The following SYTL3 variants were observed in gnomAD, a reference collection of about 807,000 sequenced individuals.
SYTL3 encodes the protein synaptotagmin like 3, also known as synaptotagmin-like protein 3.
In SYTL3, 88 loss-of-function variants were observed where a neutral mutation model predicts 82.1. The ratio of observed to expected loss-of-function variants is 1.07; its 90% confidence interval spans 0.90 to 1.28. The LOEUF is 1.28. Ranked by LOEUF, SYTL3 falls within the 50% of genes most tolerant of loss-of-function variation. SYTL3 has a pLI of 0.00. For missense variants in SYTL3, 831 were observed against 757.6 expected (o/e 1.10, Z -1.14); for synonymous variants, 311 against 289.4 (o/e 1.07, Z -0.76).
At chr6:158,645,305 G>A (rs1412362547), upstream of SYTL3, among the ~76,000 whole-genome samples, 1 of 152,050 alleles carries the variant, frequency 6.6e-6, no homozygotes, top group Non-Finnish European at 1.5e-5. Context: ...GTAAAATGTG[G>A]CACACTTCCT....
At chr6:158,744,124 C>T (rs1787283657) in intron 11 of SYTL3, among the ~76,000 whole-genome samples, 1 of 151,746 alleles carries the variant, frequency 6.6e-6, no homozygotes. Flanking sequence ...ACCATGTTGG[C>T]CAGGCTGGTC....
chr6:158,686,411 C>T (rs191138738), intron 6 of SYTL3, among the ~76,000 whole-genome samples: 1 of 152,238 alleles, frequency 6.6e-6, no homozygotes, highest in Non-Finnish European at 1.5e-5. Context: ...CTCATTTTCC[C>T]ATTGTCCTGT....
chr6:158,702,937 A>G (rs183369059), intron 6 of SYTL3, among the ~76,000 whole-genome samples: 7 of 152,036 alleles, frequency 4.6e-5, no homozygotes, highest in East Asian at 3.9e-4. Flanking sequence ...GACGAATCAC[A>G]AGGTCAGGAG....
chr6:158,701,790 T>G (rs13200780), intron 6 of SYTL3, among the ~76,000 whole-genome samples: 21,619 of 151,916 alleles, frequency 0.14, 1,613 homozygotes, highest in South Asian at 0.24. Context: ...TGGAGGCTGG[T>G]AGGCCGAAAT....
intron 13 of SYTL3, among the ~76,000 whole-genome samples, 194 bp downstream of exon 13, chr6:158,752,224 A>G (rs1788490969): frequency 6.6e-6 from 1 of 152,230 alleles, no homozygotes; most frequent in South Asian, 2.1e-4. Context: ...GTACAGGAAA[A>G]GTGCAGAGTC....
rs1460028813 is a variant in SYTL3 at position 158,746,818 on chromosome 6, G to GT, written c.1034+1164dup. On this transcript the variant is annotated intron_variant, in intron 12 of 17. Transcript: ENST00000611299. ...TATTACTAACAAAGATGAGCAACTT[G>GT]TTTTAAAAAAAAAAAAATAGAGACA... Among the ~76,000 whole-genome samples, 173 of 102,886 alleles carry GT rather than the reference G, an allele frequency of 1.7e-3. 1 individual carries two copies. Among genetic ancestry groups the GT allele is most frequent in the African/African-American group, 6.2e-3 (155 of 25,156 alleles). 67.5% of individuals were successfully genotyped at this position (102,886 alleles called of 152,430 possible).
rs558826886 is a variant in SYTL3 at position 158,762,175 on chromosome 6, A to C, written c.1514A>C (p.Lys505Thr). 2 of 1,609,712 alleles carry C rather than the reference A, an allele frequency of 1.2e-6. No homozygotes were observed. Among genetic ancestry groups the C allele is most frequent in the African/African-American group, 1.3e-5 (1 of 74,804 alleles). Reference protein sequence around the residue: ...RPDGTLNSFVKGCLTLPDQQK... With the variant: ...RPDGTLNSFVTGCLTLPDQQK... The stretch of plus-strand genomic sequence containing the variant: ...GATGGCACCTTGAACTCATTTGTTA[A>C]GGGGTAGGTATTCGATGTAATCAAA... The change falls in exon 16 of 18, where the codon AAG (lysine) becomes ACG (threonine). Residue 505 changes from lysine to threonine, a missense_variant. Lys to Thr is a moderately conservative substitution (Grantham distance 78). Coordinates refer to ENST00000611299, the MANE Select transcript of SYTL3 (RefSeq NM_001242394.2).
chr6:158,676,086 T>C (rs974308495), intron 5 of SYTL3, among the ~76,000 whole-genome samples: 5 of 152,160 alleles, frequency 3.3e-5, no homozygotes, highest in African/African-American at 1.2e-4. Flanking sequence ...AAAAAGAGCC[T>C]GCATTGCCAA....
chr6:158,684,103 G>A (rs1009274481), intron 6 of SYTL3, among the ~76,000 whole-genome samples: 3 of 152,162 alleles, frequency 2.0e-5, no homozygotes, highest in Non-Finnish European at 2.9e-5. Context: ...GGAAATACCC[G>A]TAATTTATTC....
intron 5 of SYTL3, among the ~76,000 whole-genome samples, chr6:158,667,587 G>A (rs896240328): frequency 2.6e-5 from 4 of 152,138 alleles, no homozygotes; most frequent in South Asian, 2.1e-4. Context: ...CATAACTGTC[G>A]CACATCTGGG....
chr6:158,761,575 TG>T (rs1789974779), intron 15 of SYTL3, among the ~76,000 whole-genome samples: 1 of 152,182 alleles, frequency 6.6e-6, no homozygotes, highest in Non-Finnish European at 1.5e-5. Context: ...CCCAAAGTGC[TG>T]GGATTACAGG....
intron 6 of SYTL3, among the ~76,000 whole-genome samples, chr6:158,691,198 T>C (rs1779821667): frequency 6.6e-6 from 1 of 151,954 alleles, no homozygotes. Context: ...AATACAAAAA[T>C]TAGCTGGACA....
chr6:158,764,164 C>T (rs527964989), intron 17 of SYTL3, among the ~76,000 whole-genome samples: 18 of 152,370 alleles, frequency 1.2e-4, no homozygotes, highest in African/African-American at 3.1e-4. Context: ...CAGTCTGAGA[C>T]GGCCCCACCC....
In SYTL3 at chr6:158,663,023, C is replaced by T. The variant is rs912998464; in HGVS notation, c.-246C>T. 12 of 397,948 alleles carry T rather than the reference C, an allele frequency of 3.0e-5. No homozygotes were observed. Among genetic ancestry groups the T allele is most frequent in the Middle Eastern group, 6.8e-4 (1 of 1,464 alleles). 24.7% of individuals were successfully genotyped at this position (397,948 alleles called of 1,614,324 possible). On this transcript the variant is annotated 5_prime_UTR_variant, in exon 4 of 18. Transcript: ENST00000611299. ...CCCGGTGAAAACACCCCCCGGGTAG[C>T]ACGAGGCTCTGCGAGCCGTAACTCC...
intron 6 of SYTL3, among the ~76,000 whole-genome samples, chr6:158,700,270 TAAAC>T (rs969986196): frequency 6.6e-6 from 1 of 151,866 alleles, no homozygotes; most frequent in Admixed American, 6.6e-5. Flanking sequence ...AATAAATAAA[TAAAC>T]AAATAAACAA....
chr6:158,762,164 C>G lies in SYTL3; in HGVS notation c.1503C>G (p.Asn501Lys). The change falls in exon 16 of 18, where the codon AAC (asparagine) becomes AAG (lysine). Residue 501 changes from asparagine (N) to lysine (K), a missense_variant. Physicochemically the swap from Asn to Lys is moderately conservative, Grantham distance 94 (BLOSUM62 0). Transcript: ENST00000611299. ...NLPVRPDGTL[N>K]SFVKGCLTLP... Reference sequence around the variant, plus strand: ...CTGTGCGGCCAGATGGCACCTTGAACTCATTTGTTAAGGGGTAGGTATTCG... The same window carrying G: ...CTGTGCGGCCAGATGGCACCTTGAAGTCATTTGTTAAGGGGTAGGTATTCG... 1.2e-6 allele frequency: 2 copies of G among 1,612,856 alleles called. No homozygotes were observed. Among genetic ancestry groups the G allele is most frequent in the Non-Finnish European group, 1.7e-6 (2 of 1,179,168 alleles).
At chr6:158,719,753 A>G (rs1233747680) in intron 10 of SYTL3, among the ~76,000 whole-genome samples, 2 of 152,170 alleles carry the variant, frequency 1.3e-5, no homozygotes, top group Admixed American at 6.6e-5. Context: ...ACTTCATCAC[A>G]TTTAATTCTC....
At chr6:158,757,406 G>A (rs747518665) in intron 14 of SYTL3, 25 bp downstream of exon 14, 17 of 1,611,160 alleles carry the variant, frequency 1.1e-5, no homozygotes, top group African/African-American at 2.7e-5. Flanking sequence ...TGGACTGAGT[G>A]CCCTCCATCC....
intron 12 of SYTL3, among the ~76,000 whole-genome samples, chr6:158,750,428 C>A (rs899581996): frequency 6.6e-6 from 1 of 152,144 alleles, no homozygotes; most frequent in African/African-American, 2.4e-5. Flanking sequence ...TTCTGTTTTA[C>A]ATATTTGAGA....
Sources: gnomAD v4.1 joint callset for allele counts (sites outside exome capture counted in the v4.1 genomes callset) on GRCh38, gnomAD v4.1.1 for gene constraint, MANE v1.5 for transcripts, NCBI Gene and HGNC (gene_info 2026-07-23, HGNC 2026-07-21) for gene names.